CASQ2: variants seen among roughly 807,000 people sequenced by gnomAD.
CASQ2 encodes calsequestrin 2.
A neutral mutation model predicts 46.5 loss-of-function variants in CASQ2; 49 were observed. That is an observed-to-expected ratio of 1.05 (90% CI 0.84 to 1.34). CASQ2 has a LOEUF of 1.34. CASQ2 is among the 40% of genes most tolerant of loss of function. The pLI is 0.00. For missense variants in CASQ2, 486 were observed against 481.3 expected, an observed-to-expected ratio of 1.01 and a Z score of -0.09; for synonymous variants, 174 against 168.5, an observed-to-expected ratio of 1.03 and a Z score of -0.25.
chr1:115,707,206 T>G (rs1654393834), intron 8 of CASQ2, among the ~76,000 whole-genome samples: 1 of 152,108 alleles, frequency 6.6e-6, no homozygotes, highest in African/African-American at 2.4e-5. Context: ...TATTGTTTTA[T>G]TTTGTGCAGA....
rs191404427 is a variant in CASQ2, at chr1:115,750,342, G to A, written c.235-5430C>T. Among the ~76,000 whole-genome samples, 437 of 152,312 alleles carry A rather than the reference G, an allele frequency of 2.9e-3. 1 individual carries two copies. Among genetic ancestry groups the A allele is most frequent in the South Asian group, 6.4e-3 (31 of 4,830 alleles). On this transcript the variant is annotated intron_variant, in intron 1 of 10. Transcript: ENST00000261448. ...TGTTTGGTCAGTTACCTCTCAGATA[G>A]TCCATCCTAGTGAATGGGGTTGTCT...
At chr1:115,762,260 G>C (rs2101123464) in intron 1 of CASQ2, among the ~76,000 whole-genome samples, 1 of 152,276 alleles carries the variant, frequency 6.6e-6, no homozygotes, top group East Asian at 1.9e-4. Context: ...TCAGAATCTG[G>C]AAAGTATTGC....
At chr1:115,717,941 C>A in intron 7 of CASQ2, 47 bp from the exon 8 acceptor site, 1 of 1,312,894 alleles carries the variant, frequency 7.6e-7, no homozygotes, top group South Asian at 1.2e-5. Context: ...TGGAGGGATG[C>A]AAAGGACTGA....
intron 8 of CASQ2, among the ~76,000 whole-genome samples, chr1:115,712,869 GA>G (rs764948825): frequency 2.1e-5 from 3 of 141,170 alleles, no homozygotes; most frequent in Non-Finnish European, 4.6e-5. Context: ...AAAAAAAAAA[GA>G]AAGAAAGAAA....
chr1:115,721,112 A>T (rs1647359693), intron 7 of CASQ2, among the ~76,000 whole-genome samples: 1 of 152,200 alleles, frequency 6.6e-6, no homozygotes, highest in Non-Finnish European at 1.5e-5. Flanking sequence ...CAATGGAGTG[A>T]CCTAGATGCT....
chr1:115,710,364 G>A (rs186669095), intron 8 of CASQ2, among the ~76,000 whole-genome samples: 60 of 152,266 alleles, frequency 3.9e-4, no homozygotes, highest in African/African-American at 1.4e-3. Context: ...AGCATCACAC[G>A]GGAGCAAATG....
At chr1:115,756,716 G>A (rs1648775321) in intron 1 of CASQ2, among the ~76,000 whole-genome samples, 1 of 152,204 alleles carries the variant, frequency 6.6e-6, no homozygotes. Flanking sequence ...GGAGGCTGAG[G>A]CAGGCGGATC....
intron 2 of CASQ2, among the ~76,000 whole-genome samples, chr1:115,743,337 T>G (rs1184802875): frequency 6.6e-6 from 1 of 151,998 alleles, no homozygotes; most frequent in South Asian, 2.1e-4. Flanking sequence ...TTGATCTCCC[T>G]GGCTCAAGCC....
At chr1:115,766,132 C>T (rs1055614957) in intron 1 of CASQ2, among the ~76,000 whole-genome samples, 15 of 152,194 alleles carry the variant, frequency 9.9e-5, no homozygotes, top group Admixed American at 5.9e-4. Context: ...TACTTCTCGG[C>T]CATGCTGGTG....
At chr1:115,703,051 GA>G (rs1425748410) in intron 9 of CASQ2, 56 bp from the exon 10 acceptor site, 4 of 1,386,958 alleles carry the variant, frequency 2.9e-6, no homozygotes, top group Non-Finnish European at 4.1e-6. Flanking sequence ...CTCTGTTAAG[GA>G]CCCACCCGCC....
At chr1:115,723,744 G>A (rs1647474151) in intron 7 of CASQ2, among the ~76,000 whole-genome samples, 1 of 152,046 alleles carries the variant, frequency 6.6e-6, no homozygotes, top group Admixed American at 6.6e-5. Flanking sequence ...TCACCATGTT[G>A]GCCAGGCTGG....
rs139281637 is a variant in CASQ2 at position 115,738,349 on chromosome 1, C to A, written c.421-14G>T. On this transcript the variant is annotated splice_polypyrimidine_tract_variant and intron_variant, in intron 3 of 10. Transcript: ENST00000261448. ...GTCTTCAATTAGCTGAAATGCCACA[C>A]GCACATACACACATGTTCAAACAAG... 1.4e-6 allele frequency: 2 copies of A among 1,422,134 alleles called. No individual in the cohort carries two copies. The highest frequency in any genetic ancestry group is 2.0e-6 in the Non-Finnish European group (2 of 1,005,040). 88.1% of individuals were successfully genotyped at this position (1,422,134 alleles called of 1,614,324 possible). A position where few individuals can be genotyped will look rare whatever the true frequency, so the allele number is the denominator to read the frequency against.
At chr1:115,751,601 G>A (rs564665393) in intron 1 of CASQ2, among the ~76,000 whole-genome samples, 1 of 152,062 alleles carries the variant, frequency 6.6e-6, no homozygotes, top group Non-Finnish European at 1.5e-5. Flanking sequence ...GAGCCCTGGA[G>A]GTGGAGCTTG....
intron 9 of CASQ2, among the ~76,000 whole-genome samples, chr1:115,704,622 A>C (rs939122913): frequency 9.9e-5 from 15 of 152,178 alleles, no homozygotes; most frequent in Admixed American, 3.9e-4. Context: ...TTTTTTAAAA[A>C]CTAAGTATAA....
intron 1 of CASQ2, among the ~76,000 whole-genome samples, chr1:115,761,491 A>AAGGAGAAGGAGAAGG: frequency 2.4e-5 from 1 of 41,486 alleles, no homozygotes; most frequent in East Asian, 9.2e-4. Context: ...GAAGAAGGAG[A>AAGGAGAAGGAGAAGG]AGAAGGAGAA....
intron 4 of CASQ2, among the ~76,000 whole-genome samples, chr1:115,736,214 G>T (rs191354549): frequency 3.3e-5 from 5 of 150,512 alleles, no homozygotes; most frequent in Non-Finnish European, 5.9e-5. Context: ...CCTCCCATTT[G>T]TCACTATCCA....
At chr1:115,709,923 G>T (rs575188242) in intron 8 of CASQ2, among the ~76,000 whole-genome samples, 4 of 152,154 alleles carry the variant, frequency 2.6e-5, no homozygotes, top group Non-Finnish European at 5.9e-5. Context: ...GCTCACTGCA[G>T]TCTTGACTTC....
At position 115,733,068 on chromosome 1, in the gene CASQ2, T is replaced by G. The variant is rs1647843440; in HGVS notation, c.533-94A>C. The G allele has an allele frequency of 3.7e-6, 3 of 804,740 alleles. No individual in the cohort carries two copies. In the South Asian group the frequency reaches 4.6e-5, roughly 12 times the overall value. 49.8% of individuals were successfully genotyped at this position (804,740 alleles called of 1,614,324 possible). A position where few individuals can be genotyped will look rare whatever the true frequency, so the allele number is the denominator to read the frequency against. ...ATGGTGTAGAGAGTAGAAAGCCAATTAATCCTGATTGGATAATAATTTAGT... is the reference window on the plus strand; with the variant it reads ...ATGGTGTAGAGAGTAGAAAGCCAATGAATCCTGATTGGATAATAATTTAGT... On this transcript the variant is annotated intron_variant, in intron 4 of 10. Coordinates refer to ENST00000261448, the MANE Select transcript of CASQ2 (RefSeq NM_001232.4).
At chr1:115,705,526 T>G (rs1570796327) in intron 8 of CASQ2, among the ~76,000 whole-genome samples, 2 of 152,046 alleles carry the variant, frequency 1.3e-5, no homozygotes, top group Non-Finnish European at 2.9e-5. Flanking sequence ...AACTGGCTGG[T>G]TTTTCACTGG....
Sources: gnomAD v4.1 joint callset for allele counts (sites outside exome capture counted in the v4.1 genomes callset) on GRCh38, gnomAD v4.1.1 for gene constraint, MANE v1.5 for transcripts, NCBI Gene and HGNC (gene_info 2026-07-23, HGNC 2026-07-21) for gene names.